Variants in DPP10 observed in about 807,000 individuals in gnomAD.
DPP10 encodes the protein inactive dipeptidyl peptidase 10.
DPP10 carries 33 observed loss-of-function variants against 120.9 expected under a neutral mutation model. That is an observed-to-expected ratio of 0.27 (90% CI 0.21 to 0.37). The LOEUF is 0.37. Among genes scored for constraint, DPP10 ranks in the 10% least tolerant of loss-of-function variants. The probability of loss-of-function intolerance (pLI) is 1.00; values close to 1 mark genes in which losing one functional copy is unlikely to be tolerated. For missense variants in DPP10, 816 were observed against 942.8 expected (o/e 0.87, Z 1.76); for synonymous variants, 337 against 326.1 (o/e 1.03, Z -0.36).
intron 12 of DPP10, among the ~76,000 whole-genome samples, chr2:115,765,179 C>G (rs991948731): frequency 6.6e-6 from 1 of 152,006 alleles, no homozygotes; most frequent in Non-Finnish European, 1.5e-5. Flanking sequence ...ATTGTAGCCC[C>G]CATCTATTCC....
intron 5 of DPP10, among the ~76,000 whole-genome samples, chr2:115,629,724 G>A (rs1347457780): frequency 6.6e-6 from 1 of 152,082 alleles, no homozygotes; most frequent in African/African-American, 2.4e-5. Context: ...GATGTGTGGT[G>A]TTATTTCTGA....
intron 1 of DPP10, among the ~76,000 whole-genome samples, chr2:114,501,400 G>C (rs1056203124): frequency 6.6e-6 from 1 of 152,070 alleles, no homozygotes. Context: ...GTGTTTTGAT[G>C]AACAAGAATA....
At chr2:114,774,821 A>T (rs1006341877) in intron 1 of DPP10, among the ~76,000 whole-genome samples, 8 of 151,852 alleles carry the variant, frequency 5.3e-5, no homozygotes, top group Non-Finnish European at 1.0e-4. Flanking sequence ...GTGAAGCATG[A>T]AATTCAGTTA....
intron 5 of DPP10, among the ~76,000 whole-genome samples, chr2:115,554,478 G>T (rs1396606904): frequency 6.6e-6 from 1 of 151,918 alleles, no homozygotes; most frequent in African/African-American, 2.4e-5. Context: ...ATTTGGGGTA[G>T]ATGCACTAAA....
chr2:114,903,379 T>C (rs778755946), intron 1 of DPP10, among the ~76,000 whole-genome samples: 3 of 152,208 alleles, frequency 2.0e-5, no homozygotes, highest in Non-Finnish European at 4.4e-5. Flanking sequence ...TCCAAAGTTG[T>C]ACTATTTTGC....
intron 3 of DPP10, among the ~76,000 whole-genome samples, chr2:115,489,079 A>T (rs1388440015): frequency 2.0e-5 from 3 of 152,120 alleles, no homozygotes; most frequent in African/African-American, 7.2e-5. Context: ...TGAGGCAAAC[A>T]ATTAATAGGC....
intron 2 of DPP10, among the ~76,000 whole-genome samples, chr2:115,320,046 T>C (rs1162030922): frequency 2.0e-5 from 3 of 152,208 alleles, no homozygotes; most frequent in Non-Finnish European, 2.9e-5. Context: ...ATTCAAACCA[T>C]AGCATATAAT....
At chr2:115,737,296 G>A (rs77884263) in intron 8 of DPP10, among the ~76,000 whole-genome samples, 4,650 of 152,222 alleles carry the variant, frequency 0.031, 114 homozygotes, top group Non-Finnish European at 0.049. Context: ...TTATTTTATA[G>A]TGGAATGGTG....
At chr2:114,928,296 G>T (rs1022759951) in intron 1 of DPP10, among the ~76,000 whole-genome samples, 12 of 152,268 alleles carry the variant, frequency 7.9e-5, no homozygotes, top group African/African-American at 2.6e-4. Context: ...TAAGTTATTT[G>T]CTTTCAAAAT....
chr2:115,581,982 A>T (rs2149130145), intron 5 of DPP10, among the ~76,000 whole-genome samples: 1 of 152,306 alleles, frequency 6.6e-6, no homozygotes, highest in East Asian at 1.9e-4. Flanking sequence ...CAGAAGGCAG[A>T]GTGAGAGACT....
At chr2:114,752,631 C>T (rs1233346172) in intron 1 of DPP10, among the ~76,000 whole-genome samples, 1 of 152,164 alleles carries the variant, frequency 6.6e-6, no homozygotes. Context: ...CACACTTGTG[C>T]AGGCATCAGA....
intron 1 of DPP10, among the ~76,000 whole-genome samples, chr2:115,011,014 A>G (rs890220301): frequency 3.9e-5 from 6 of 152,194 alleles, no homozygotes; most frequent in Non-Finnish European, 1.5e-5. Flanking sequence ...TGCTTTAAAA[A>G]ACTTCTCTTT....
intron 1 of DPP10, among the ~76,000 whole-genome samples, chr2:114,630,407 C>G (rs1694833430): frequency 1.3e-5 from 2 of 152,072 alleles, no homozygotes. Flanking sequence ...CGTTATAGGA[C>G]AAGCAAAGTC....
chr2:114,812,610 AC>A (rs1685273777), intron 1 of DPP10, among the ~76,000 whole-genome samples: 1 of 151,528 alleles, frequency 6.6e-6, no homozygotes, highest in Non-Finnish European at 1.5e-5. Context: ...ACACACACAC[AC>A]ACACACAATT....
At chr2:114,489,584 A>G (rs1681807276) in intron 1 of DPP10, among the ~76,000 whole-genome samples, 2 of 152,220 alleles carry the variant, frequency 1.3e-5, no homozygotes, top group Admixed American at 1.3e-4. Flanking sequence ...CATTGCGACA[A>G]TCAGTGCTCA....
chr2:114,546,731 T>C (rs1284901254), intron 1 of DPP10, among the ~76,000 whole-genome samples: 3 of 152,356 alleles, frequency 2.0e-5, no homozygotes, highest in East Asian at 3.9e-4. Flanking sequence ...GCACACTTAA[T>C]TGAGGCTCTG....
chr2:114,709,047 C>T (rs577191238), intron 1 of DPP10, among the ~76,000 whole-genome samples: 3 of 152,316 alleles, frequency 2.0e-5, no homozygotes, highest in East Asian at 1.9e-4. Flanking sequence ...TGAGCCACAG[C>T]GCCCAGCCCC....
At chr2:115,211,483 CCAT>C (rs1198395497) in intron 1 of DPP10, among the ~76,000 whole-genome samples, 1 of 152,146 alleles carries the variant, frequency 6.6e-6, no homozygotes, top group African/African-American at 2.4e-5. Flanking sequence ...CATCTACCTT[CCAT>C]CATCAATGCA....
At chr2:114,887,922 G>C (rs1692204488) in intron 1 of DPP10, among the ~76,000 whole-genome samples, 1 of 152,038 alleles carries the variant, frequency 6.6e-6, no homozygotes, top group African/African-American at 2.4e-5. Context: ...GGTGGATCAC[G>C]AGGTCAGGAG....
Sources: allele counts gnomAD v4.1 joint callset (sites outside exome capture counted in the v4.1 genomes callset), GRCh38; gene constraint gnomAD v4.1.1; transcripts MANE v1.5; gene names NCBI Gene and HGNC (gene_info 2026-07-23, HGNC 2026-07-21).